MICAL2: variants seen among roughly 807,000 people sequenced by gnomAD.
MICAL2 encodes microtubule associated monooxygenase, calponin and LIM domain containing 2.
Under a neutral mutation model 127.3 loss-of-function variants are expected in MICAL2, and 77 were observed. That is an observed-to-expected ratio of 0.60 (90% CI 0.50 to 0.73). The LOEUF (loss-of-function observed/expected upper bound fraction) is 0.73, where lower values mean the gene tolerates loss of function less well. Ranked by LOEUF, MICAL2 falls within the 30% of genes least tolerant of loss-of-function variation. The pLI is 0.00. For missense variants in MICAL2, 1,351 were observed against 1,434.4 expected, an observed-to-expected ratio of 0.94 and a Z score of 0.94; for synonymous variants, 570 against 551.1, an observed-to-expected ratio of 1.03 and a Z score of -0.48.
intron 15 of MICAL2, among the ~76,000 whole-genome samples, chr11:12,232,738 A>T (rs1225473786): frequency 1.3e-5 from 2 of 150,618 alleles, no homozygotes; most frequent in Admixed American, 1.3e-4. Context: ...GAGAATAAAT[A>T]AAATAAATTA....
At chr11:12,248,206 G>A (rs943673597) in intron 21 of MICAL2, among the ~76,000 whole-genome samples, 3 of 152,182 alleles carry the variant, frequency 2.0e-5, no homozygotes, top group Non-Finnish European at 4.4e-5. Context: ...AATTCAGAGT[G>A]GTGCTGTGGG....
chr11:12,166,912 G>A (rs573380896), intron 3 of MICAL2, among the ~76,000 whole-genome samples: 1 of 152,140 alleles, frequency 6.6e-6, no homozygotes. Flanking sequence ...TATATTCTAG[G>A]GAGAGTGTGT....
chr11:12,181,026 C>G lies in MICAL2; in HGVS notation c.264+18607C>G, dbSNP rs527468698. ...CACTGGAATCTCCGCCCCGCCACAC[C>G]CCACCCCTGGGGGTTCAAGCGATTC... On this transcript the variant is annotated intron_variant, in intron 3 of 27. Transcript: ENST00000683283. 2.1e-3 allele frequency among the ~76,000 whole-genome samples: 323 copies of G among 151,430 alleles called. 2 individuals carry two copies. Among genetic ancestry groups the G allele is most frequent in the African/African-American group, 7.5e-3 (309 of 41,236 alleles).
intron 3 of MICAL2, among the ~76,000 whole-genome samples, chr11:12,191,785 AAGAG>A (rs10584334): frequency 6.6e-6 from 1 of 151,684 alleles, no homozygotes; most frequent in Non-Finnish European, 1.5e-5. Flanking sequence ...AAAAGAAAAA[AAGAG>A]AGAGATGTTG....
intron 32 of MICAL2, among the ~76,000 whole-genome samples, chr11:12,336,990 T>C (rs377208595): frequency 3.9e-5 from 6 of 152,298 alleles, no homozygotes; most frequent in African/African-American, 1.2e-4. Flanking sequence ...GAAGGATTCC[T>C]TCTTTTTCTA....
At chr11:12,139,599 A>G (rs1468034158) in intron 2 of MICAL2, among the ~76,000 whole-genome samples, 1 of 152,196 alleles carries the variant, frequency 6.6e-6, no homozygotes, top group Admixed American at 6.5e-5. Context: ...CCTGAATGGC[A>G]GGATGACAAG....
chr11:12,219,837 G>A lies in MICAL2; in HGVS notation c.949-364G>A, dbSNP rs78685419. ...CACTGTTCATTACAACTCTCAACGCGCCCTGTTGAAATTCCTACGTGAGAC... is the reference window on the plus strand; with the variant it reads ...CACTGTTCATTACAACTCTCAACGCACCCTGTTGAAATTCCTACGTGAGAC... On this transcript the variant is annotated intron_variant, in intron 8 of 27. Transcript: ENST00000683283. Among the ~76,000 whole-genome samples the A allele has an allele frequency of 6.2e-3, 948 of 152,202 alleles. 4 individuals are homozygous for A. The highest frequency in any genetic ancestry group is 0.021 in the African/African-American group (873 of 41,518).
chr11:12,266,352 A>G (rs1863609270), downstream of MICAL2, among the ~76,000 whole-genome samples: 1 of 152,178 alleles, frequency 6.6e-6, no homozygotes, highest in African/African-American at 2.4e-5. Flanking sequence ...GAAGAAATAA[A>G]TCTGTGCAAC....
chr11:12,353,113 C>T (rs1380219896), intron 33 of MICAL2, among the ~76,000 whole-genome samples: 1 of 152,028 alleles, frequency 6.6e-6, no homozygotes, highest in African/African-American at 2.4e-5. Flanking sequence ...GACCTTGGCC[C>T]ATGTAGTAGC....
intron 2 of MICAL2, among the ~76,000 whole-genome samples, chr11:12,285,224 G>A (rs1863812215): frequency 6.6e-6 from 1 of 152,140 alleles, no homozygotes; most frequent in East Asian, 1.9e-4. Context: ...ATCAATCTAG[G>A]TGGTGCCAGT....
chr11:12,220,239 C>T lies in MICAL2; in HGVS notation c.987C>T (p.Asn329=), dbSNP rs757144184. The part of the protein sequence containing the change: ...IDTEMLLCAE[N]VNQDNLLSYA... Reference sequence around the variant, plus strand: ...CAGAGATGCTGCTGTGTGCGGAGAACGTGAACCAAGACAACCTGCTATCCT... The same window carrying T: ...CAGAGATGCTGCTGTGTGCGGAGAATGTGAACCAAGACAACCTGCTATCCT... The change falls in exon 9 of 28, where the codon AAC becomes AAT. Residue 329 remains asparagine (N), a synonymous_variant. Coordinates refer to ENST00000683283, the MANE Select transcript of MICAL2 (RefSeq NM_001282663.2). 21 of 1,614,072 alleles carry T rather than the reference C, an allele frequency of 1.3e-5. No homozygotes were observed. Among genetic ancestry groups the T allele is most frequent in the African/African-American group, 6.7e-5 (5 of 74,936 alleles).
rs202206049 is a variant in MICAL2 at position 12,220,387 on chromosome 11, A to T, written c.1135A>T (p.Asn379Tyr). 9.7e-5 allele frequency: 156 copies of T among 1,613,984 alleles called. 1 individual carries two copies. The highest frequency in any genetic ancestry group is 5.8e-4 in the Admixed American group (35 of 60,008). Residue 379 changes from asparagine to tyrosine, a missense_variant, in exon 9 of 28, where the codon AAC (asparagine) becomes TAC (tyrosine). Around this residue, in one of 2 missense-constraint regions of MICAL2, gnomAD observed 599 missense variants for 714.9 expected, o/e 0.84. Transcript: ENST00000683283. ...CTTTACCTGCATGTATGCCTCAGAG[A>T]ACGCGGCCCTGGTGCGGGAGCGGCA... ...FDFTCMYASE[N>Y]AALVRERQAH...
intron 3 of MICAL2, among the ~76,000 whole-genome samples, chr11:12,168,251 TAGATACAC>T (rs1204766405): frequency 1.4e-5 from 2 of 139,884 alleles, no homozygotes; most frequent in African/African-American, 5.2e-5. Flanking sequence ...CATACACACA[TAGATACAC>T]AAATACATAT....
At position 12,316,954 on chromosome 11, in the gene MICAL2, C is replaced by A. The variant is rs763211327; in HGVS notation, c.5213-2742C>A. ...TCAATGCCTTAAATTTTTGTTCTAC[C>A]CTGGCTAGGTAGAACTTGAACATCT... is the stretch of plus-strand genomic sequence containing the variant. On this transcript the variant is annotated intron_variant, in intron 29 of 34. Transcript: ENST00000646065. Among the ~76,000 whole-genome samples, 5 of 152,164 alleles carry A rather than the reference C, an allele frequency of 3.3e-5. No individual in the cohort carries two copies. In the South Asian group the frequency reaches 1.0e-3, roughly 32 times the overall value.
intron 19 of MICAL2, 87 bp from the exon 20 acceptor site, chr11:12,242,584 G>T: frequency 1.4e-6 from 2 of 1,448,318 alleles, no homozygotes; most frequent in South Asian, 2.3e-5. Context: ...GCCCCCGGCT[G>T]CCTCCCTCAC....
chr11:12,260,866 AC>A, intron 26 of MICAL2: 2 of 985,432 alleles, frequency 2.0e-6, no homozygotes, highest in Non-Finnish European at 2.4e-6. Flanking sequence ...CAGCCAAATG[AC>A]AAAGAACCGT....
chr11:12,338,323 C>T (rs905848131), intron 32 of MICAL2, among the ~76,000 whole-genome samples: 2 of 152,174 alleles, frequency 1.3e-5, no homozygotes, highest in Non-Finnish European at 2.9e-5. Flanking sequence ...CTTCCTCCAT[C>T]CCTTTATTTT....
chr11:12,131,481 C>T (rs924593315), intron 1 of MICAL2, among the ~76,000 whole-genome samples: 1 of 152,188 alleles, frequency 6.6e-6, no homozygotes, highest in Non-Finnish European at 1.5e-5. Context: ...CAGCACTTTC[C>T]TTCTTCTCTG....
At chr11:12,298,831 G>C (rs1410040370) in intron 29 of MICAL2, among the ~76,000 whole-genome samples, 1 of 152,058 alleles carries the variant, frequency 6.6e-6, no homozygotes, top group Non-Finnish European at 1.5e-5. Context: ...TTGCATTGCT[G>C]AGATAAATAC....
Sources: allele counts gnomAD v4.1 joint callset (sites outside exome capture counted in the v4.1 genomes callset), GRCh38; gene constraint gnomAD v4.1.1; regional missense constraint gnomAD v4.1.1; transcripts MANE v1.5; gene names NCBI Gene and HGNC (gene_info 2026-07-23, HGNC 2026-07-21).